DNAH14: variants seen among roughly 807,000 people sequenced by gnomAD.
DNAH14 encodes dynein axonemal heavy chain 14, also known as axonemal beta dynein heavy chain 14.
In DNAH14, 478 loss-of-function variants were observed where a neutral mutation model predicts 520.9. The ratio of observed to expected loss-of-function variants is 0.92; its 90% CI spans 0.85 to 0.99. DNAH14 has a LOEUF of 0.99. Among genes scored for constraint, DNAH14 ranks in the 50% least tolerant of loss-of-function variants. The probability of loss-of-function intolerance (pLI) is 0.00; values close to 1 mark genes in which losing one functional copy is unlikely to be tolerated. For missense variants in DNAH14, 4,831 were observed against 5,234.5 expected (o/e 0.92, Z 2.38); for synonymous variants, 1,581 against 1,757.2 (o/e 0.90, Z 2.51).
intron 38 of DNAH14, among the ~76,000 whole-genome samples, chr1:225,203,006 G>A (rs2087060184): frequency 6.6e-6 from 1 of 152,178 alleles, no homozygotes; most frequent in African/African-American, 2.4e-5. Context: ...GGGGGTGGAT[G>A]ATCCCCCTTT....
At chr1:225,316,628 T>C (rs531821691) in intron 60 of DNAH14, among the ~76,000 whole-genome samples, 1 of 152,274 alleles carries the variant, frequency 6.6e-6, no homozygotes, top group South Asian at 2.1e-4. Context: ...CCCTTGTGCT[T>C]CCTGGGTGAG....
chr1:225,360,582 AC>A (rs2095481774), intron 74 of DNAH14, 98 bp from the exon 75 acceptor site: 2 of 1,147,034 alleles, frequency 1.7e-6, no homozygotes, highest in Admixed American at 4.7e-5. Flanking sequence ...CTATGACTAT[AC>A]CTTTTCCCAA....
intron 17 of DNAH14, among the ~76,000 whole-genome samples, chr1:225,069,735 G>A (rs1301049085): frequency 6.6e-6 from 1 of 152,118 alleles, no homozygotes; most frequent in Non-Finnish European, 1.5e-5. Flanking sequence ...AATGACTTAG[G>A]GAGGAGTCCT....
chr1:225,116,220 AGG>A (rs1261368470), intron 23 of DNAH14, among the ~76,000 whole-genome samples: 1 of 152,196 alleles, frequency 6.6e-6, no homozygotes, highest in Non-Finnish European at 1.5e-5. Context: ...CAGAGGACAG[AGG>A]GTGAAGGGCC....
rs57688245 is a variant in DNAH14, at chr1:224,942,174, T to C, written c.-33-10496T>C. 5.0e-3 allele frequency among the ~76,000 whole-genome samples: 763 copies of C among 152,254 alleles called. 6 individuals are homozygous for C. The highest frequency in any genetic ancestry group is 0.017 in the African/African-American group (719 of 41,530). ...GTTCTTCCATTTGTTTGTATCCTCTTTTATTTCATTGAGCAGTGGTTTGTA... is the reference window on the plus strand; with the variant it reads ...GTTCTTCCATTTGTTTGTATCCTCTCTTATTTCATTGAGCAGTGGTTTGTA... On this transcript the variant is annotated intron_variant, in intron 1 of 85. Coordinates refer to ENST00000682510, the MANE Select transcript of DNAH14 (RefSeq NM_001367479.1).
intron 10 of DNAH14, among the ~76,000 whole-genome samples, chr1:225,019,789 A>C (rs540800770): frequency 6.6e-6 from 1 of 152,332 alleles, no homozygotes; most frequent in South Asian, 2.1e-4. Context: ...TAAGGCAGAA[A>C]TTTAAAAAAA....
chr1:225,276,026 A>T lies in DNAH14; in HGVS notation c.8123A>T (p.Lys2708Ile), dbSNP rs750845682. Residue 2708 changes from lysine (K) to isoleucine (I), a missense_variant, in exon 53 of 86, where the codon AAA (lysine) becomes ATA (isoleucine). Physicochemically the swap from Lys to Ile is moderately radical, Grantham distance 102. Coordinates refer to ENST00000682510, the MANE Select transcript of DNAH14 (RefSeq NM_001367479.1). Reference sequence around the variant, plus strand: ...TATCAGAATACCAGTGACTATAATAAACTTGCCAGTGTACTTGATGAATTC... The same window carrying T: ...TATCAGAATACCAGTGACTATAATATACTTGCCAGTGTACTTGATGAATTC... ...KIYQNTSDYN[K>I]LASVLDEFQM... 4 of 404,766 alleles carry T rather than the reference A, an allele frequency of 9.9e-6. No homozygotes were observed. Among genetic ancestry groups the T allele is most frequent in the Non-Finnish European group, 2.0e-5 (4 of 201,488 alleles). 25.1% of individuals were successfully genotyped at this position (404,766 alleles called of 1,614,324 possible). A position where few individuals can be genotyped will look rare whatever the true frequency, so the allele number is the denominator to read the frequency against.
At chr1:225,262,388 T>C (rs1247998968) in intron 46 of DNAH14, among the ~76,000 whole-genome samples, 1 of 152,124 alleles carries the variant, frequency 6.6e-6, no homozygotes, top group Non-Finnish European at 1.5e-5. Flanking sequence ...TGCATTTGCC[T>C]TTGGTGTCTT....
At chr1:225,183,048 G>A (rs1049185900) in intron 36 of DNAH14, among the ~76,000 whole-genome samples, 3 of 147,314 alleles carry the variant, frequency 2.0e-5, no homozygotes, top group African/African-American at 7.6e-5. Flanking sequence ...CAGGCAGTGC[G>A]GTGTGAAGAG....
At chr1:224,990,729 G>A (rs1254188635) in intron 8 of DNAH14, among the ~76,000 whole-genome samples, 1 of 152,052 alleles carries the variant, frequency 6.6e-6, no homozygotes, top group Non-Finnish European at 1.5e-5. Flanking sequence ...CCATAACCTG[G>A]CTGTTGTGAA....
At chr1:225,009,534 A>G (rs752406653) in intron 10 of DNAH14, among the ~76,000 whole-genome samples, 1 of 152,220 alleles carries the variant, frequency 6.6e-6, no homozygotes, top group Non-Finnish European at 1.5e-5. Context: ...GAAGTCAGGT[A>G]GCATAATGCC....
At chr1:225,373,247 T>C (rs1172410125) in intron 77 of DNAH14, among the ~76,000 whole-genome samples, 1 of 151,316 alleles carries the variant, frequency 6.6e-6, no homozygotes, top group African/African-American at 2.4e-5. Context: ...TCCCAGCACT[T>C]TGGGAGGCCG....
intron 69 of DNAH14, 33 bp downstream of exon 69, chr1:225,340,734 C>T: frequency 6.5e-7 from 1 of 1,536,756 alleles, no homozygotes; most frequent in South Asian, 1.2e-5. Context: ...AGTAAGAGAT[C>T]TTTGCAAAGG....
At chr1:225,290,641 G>GTATACA (rs777422222) in intron 55 of DNAH14, among the ~76,000 whole-genome samples, 1 of 91,240 alleles carries the variant, frequency 1.1e-5, no homozygotes, top group African/African-American at 4.0e-5. Context: ...ATGTGTGTGT[G>GTATACA]TGTGTGTATA....
chr1:225,298,467 A>C (rs903836716), intron 55 of DNAH14, among the ~76,000 whole-genome samples: 3 of 152,178 alleles, frequency 2.0e-5, no homozygotes, highest in African/African-American at 7.2e-5. Context: ...CCCCTGACTA[A>C]AAGTGCAGGC....
chr1:224,984,247 C>G (rs763120700), intron 8 of DNAH14, among the ~76,000 whole-genome samples: 5 of 152,156 alleles, frequency 3.3e-5, no homozygotes, highest in Non-Finnish European at 5.9e-5. Flanking sequence ...TGAATACTTA[C>G]AGTCAACTGA....
intron 31 of DNAH14, among the ~76,000 whole-genome samples, chr1:225,149,827 A>G (rs2080312671): frequency 6.7e-6 from 1 of 150,318 alleles, no homozygotes; most frequent in Non-Finnish European, 1.5e-5. Flanking sequence ...TTCTAGATAT[A>G]GAATCATGGC....
rs1573588804 is a variant in DNAH14 at position 225,159,546 on chromosome 1, T to C, written c.5445+61T>C. ...GGATGTGGAATATCAATTAAGAAAC[T>C]AGATGTGGATTAAAAATATTACAGT... On this transcript the variant is annotated intron_variant, in intron 35 of 85. Transcript: ENST00000682510. 10 of 1,365,922 alleles carry C rather than the reference T, an allele frequency of 7.3e-6. No homozygotes were observed. In the East Asian group the frequency reaches 1.8e-4, roughly 25 times the overall value. The allele number at this position is 1,365,922 out of a possible 1,614,324, so 84.6% of individuals were successfully genotyped here.
At chr1:224,978,213 A>G (rs1261849852) in intron 8 of DNAH14, among the ~76,000 whole-genome samples, 1 of 152,246 alleles carries the variant, frequency 6.6e-6, no homozygotes, top group African/African-American at 2.4e-5. Context: ...CTGCATTCCC[A>G]TGTTTACTGC....
Sources: allele counts gnomAD v4.1 joint callset (sites outside exome capture counted in the v4.1 genomes callset), GRCh38; gene constraint gnomAD v4.1.1; transcripts MANE v1.5; gene names NCBI Gene and HGNC (gene_info 2026-07-23, HGNC 2026-07-21).